PLCB1: variants seen among roughly 807,000 people sequenced by gnomAD.
PLCB1 encodes the protein 1-phosphatidylinositol 4,5-bisphosphate phosphodiesterase beta-1.
Under a neutral mutation model 161.8 loss-of-function variants are expected in PLCB1, and 46 were observed. That is an observed-to-expected ratio of 0.28 (90% confidence interval 0.22 to 0.36). The LOEUF (loss-of-function observed/expected upper bound fraction) is 0.36. Among genes scored for constraint, PLCB1 ranks in the 10% least tolerant of loss-of-function variants. PLCB1 has a pLI of 1.00. For synonymous variants in PLCB1, 517 were observed against 503.7 expected, an observed-to-expected ratio of 1.03 and a Z score of -0.35; for missense variants, 1,016 against 1,472.5, an observed-to-expected ratio of 0.69 and a Z score of 5.07.
chr20:8,220,105 A>G (rs1257801621), intron 2 of PLCB1, among the ~76,000 whole-genome samples: 1 of 152,176 alleles, frequency 6.6e-6, no homozygotes, highest in Non-Finnish European at 1.5e-5. Context: ...TCTAGATTCT[A>G]CTTCCTGATC....
chr20:8,516,647 T>C (rs1020427543), intron 3 of PLCB1, among the ~76,000 whole-genome samples: 6 of 141,826 alleles, frequency 4.2e-5, no homozygotes, highest in African/African-American at 1.5e-4. Flanking sequence ...CTAAGGTTTT[T>C]ATAGAAAATA....
chr20:8,756,288 T>C (rs1419864435), intron 23 of PLCB1, among the ~76,000 whole-genome samples: 1 of 152,204 alleles, frequency 6.6e-6, no homozygotes, highest in East Asian at 1.9e-4. Flanking sequence ...TCTTCATCTA[T>C]AAGGATAAAG....
In PLCB1 at chr20:8,789,670, C is replaced by T. The variant is rs530499821; in HGVS notation, c.3336+95C>T. ...TCTGGAAGGAAATGTCATGCCTTGC[C>T]ATAACTTTTTATCACTAGCACCTAG... On this transcript the variant is annotated intron_variant, in intron 30 of 31. Transcript: ENST00000338037. The T allele has an allele frequency of 1.9e-3, 1,795 of 957,100 alleles. 8 individuals carry two copies. The highest frequency in any genetic ancestry group is 1.6e-3 in the Non-Finnish European group (966 of 586,284). The allele number at this position is 957,100 out of a possible 1,614,324, so 59.3% of individuals were successfully genotyped here. A position where few individuals can be genotyped will look rare whatever the true frequency, so the allele number is the denominator to read the frequency against.
At chr20:8,584,598 A>C (rs999540654) in intron 3 of PLCB1, among the ~76,000 whole-genome samples, 1 of 151,890 alleles carries the variant, frequency 6.6e-6, no homozygotes, top group Admixed American at 6.6e-5. Context: ...ACTACTATAG[A>C]TCTTCCTAAA....
intron 2 of PLCB1, among the ~76,000 whole-genome samples, chr20:8,154,493 C>T (rs2051540273): frequency 6.6e-6 from 1 of 152,012 alleles, no homozygotes; most frequent in Non-Finnish European, 1.5e-5. Context: ...CTCAGAAGTG[C>T]GATTGCTGAT....
chr20:8,194,864 G>A (rs1249561080), intron 2 of PLCB1, among the ~76,000 whole-genome samples: 3 of 152,064 alleles, frequency 2.0e-5, no homozygotes, highest in Non-Finnish European at 2.9e-5. Context: ...ATTAGTGGTA[G>A]CACAAGTCCA....
At chr20:8,439,259 AAGCC>A (rs1980444871) in intron 3 of PLCB1, among the ~76,000 whole-genome samples, 1 of 152,180 alleles carries the variant, frequency 6.6e-6, no homozygotes, top group South Asian at 2.1e-4. Flanking sequence ...TAAAGGTGCC[AAGCC>A]TCCAGGCATC....
intron 10 of PLCB1, among the ~76,000 whole-genome samples, chr20:8,690,595 C>T (rs1355073292): frequency 1.3e-5 from 2 of 152,090 alleles, no homozygotes; most frequent in Admixed American, 1.3e-4. Flanking sequence ...TGAAAAATAC[C>T]TTAAACACCA....
chr20:8,188,673 C>T (rs1298116637), intron 2 of PLCB1, among the ~76,000 whole-genome samples: 1 of 152,066 alleles, frequency 6.6e-6, no homozygotes. Context: ...CTATTTTCGT[C>T]CATGTTTGTA....
At chr20:8,633,692 A>T (rs1425614504) in intron 4 of PLCB1, among the ~76,000 whole-genome samples, 1 of 152,114 alleles carries the variant, frequency 6.6e-6, no homozygotes, top group African/African-American at 2.4e-5. Context: ...AAAAGTGCAC[A>T]GTTTCTTACT....
At chr20:8,160,726 A>G (rs935223557) in intron 2 of PLCB1, among the ~76,000 whole-genome samples, 1 of 152,216 alleles carries the variant, frequency 6.6e-6, no homozygotes, top group African/African-American at 2.4e-5. Context: ...AGCCAAACCT[A>G]TCACTTGTCA....
intron 5 of PLCB1, among the ~76,000 whole-genome samples, chr20:8,647,699 G>A (rs568862813): frequency 3.9e-5 from 6 of 152,258 alleles, no homozygotes; most frequent in Non-Finnish European, 8.8e-5. Context: ...TTGGCAGGGC[G>A]TTTGGGAAGG....
intron 31 of PLCB1, among the ~76,000 whole-genome samples, chr20:8,812,968 C>T (rs866462723): frequency 6.6e-6 from 1 of 152,170 alleles, no homozygotes; most frequent in Non-Finnish European, 1.5e-5. Context: ...TAAATTATAG[C>T]CATTTCCCGA....
At chr20:8,355,349 C>T (rs1986330684) in intron 2 of PLCB1, among the ~76,000 whole-genome samples, 3 of 152,086 alleles carry the variant, frequency 2.0e-5, no homozygotes, top group Admixed American at 1.3e-4. Flanking sequence ...TCCTCATTTA[C>T]TTAGAAGCCT....
chr20:8,276,057 A>G (rs1170804475), intron 2 of PLCB1, among the ~76,000 whole-genome samples: 1 of 152,192 alleles, frequency 6.6e-6, no homozygotes, highest in Non-Finnish European at 1.5e-5. Context: ...AAAGTGAGGA[A>G]CATTCAGATA....
intron 2 of PLCB1, among the ~76,000 whole-genome samples, chr20:8,225,594 C>T (rs1048599119): frequency 2.0e-5 from 3 of 152,226 alleles, no homozygotes; most frequent in Non-Finnish European, 4.4e-5. Flanking sequence ...CCGACTTTTT[C>T]ACCTTTGGTA....
chr20:8,321,991 G>A (rs368239796), intron 2 of PLCB1, among the ~76,000 whole-genome samples: 10 of 152,102 alleles, frequency 6.6e-5, no homozygotes, highest in African/African-American at 1.4e-4. Context: ...GGAAGCAGCC[G>A]TCCACTAGTT....
At chr20:8,555,947 C>G (rs1985937707) in intron 3 of PLCB1, among the ~76,000 whole-genome samples, 1 of 150,988 alleles carries the variant, frequency 6.6e-6, no homozygotes, top group Non-Finnish European at 1.5e-5. Flanking sequence ...TTAGACTTGA[C>G]AAATTACATG....
intron 23 of PLCB1, among the ~76,000 whole-genome samples, chr20:8,749,059 C>T (rs1375985852): frequency 6.6e-6 from 1 of 152,174 alleles, no homozygotes; most frequent in Non-Finnish European, 1.5e-5. Flanking sequence ...ATTCAACAAG[C>T]TTCCAGGTGA....
Sources: allele counts gnomAD v4.1 joint callset (sites outside exome capture counted in the v4.1 genomes callset), GRCh38; gene constraint gnomAD v4.1.1; transcripts MANE v1.5; gene names NCBI Gene and HGNC (gene_info 2026-07-23, HGNC 2026-07-21).